COL6A3: variants seen among roughly 807,000 people sequenced by gnomAD.
COL6A3 encodes the protein collagen type VI alpha 3 chain, also known as collagen alpha-3(VI) chain.
COL6A3 carries 137 observed loss-of-function variants against 274.1 expected under a neutral mutation model. The ratio of observed to expected loss-of-function variants is 0.50; its 90% CI spans 0.44 to 0.58. The LOEUF is 0.58. COL6A3 is among the 20% of genes least tolerant of loss of function. COL6A3 has a pLI of 0.00. For synonymous variants in COL6A3, 1,650 were observed against 1,650.6 expected (o/e 1.00, Z 0.01); for missense variants, 3,950 against 4,124.9 (o/e 0.96, Z 1.16).
chr2:237,346,115 T>C (rs1241899709), intron 32 of COL6A3, among the ~76,000 whole-genome samples: 1 of 152,202 alleles, frequency 6.6e-6, no homozygotes, highest in Non-Finnish European at 1.5e-5. Context: ...GGGGATTTCA[T>C]AGACCACAGG....
At position 237,374,561 on chromosome 2, in the gene COL6A3, G is replaced by T; in HGVS notation, c.3530C>A (p.Thr1177Asn). Residue 1177 changes from threonine to asparagine, a missense_variant, in exon 8 of 44, where the codon ACC (threonine) becomes AAC (asparagine). Transcript: ENST00000295550. This position sits in a 1 kb window ranked among gnomAD's most constrained non-coding sequence, Gnocchi z 4.8. ...GGCAAAGTCCGGGATGAAGGAGATGGTCTGCATCTCTGTGATGTCAGCGTT... is the reference window on the plus strand; with the variant it reads ...GGCAAAGTCCGGGATGAAGGAGATGTTCTGCATCTCTGTGATGTCAGCGTT... ...IGNADITEMQ[T>N]ISFIPDFAVA... The T allele has an allele frequency of 6.2e-7, 1 of 1,614,230 alleles. No homozygotes were observed. Among genetic ancestry groups the T allele is most frequent in the Non-Finnish European group, 8.5e-7 (1 of 1,180,042 alleles).
At chr2:237,339,191 A>G in intron 38 of COL6A3, 74 bp from the exon 39 acceptor site, 1 of 1,042,748 alleles carries the variant, frequency 9.6e-7, no homozygotes, top group Admixed American at 1.8e-5. Context: ...TCTGTCAACA[A>G]GTTAAATGAA....
chr2:237,342,961 A>C (rs1205343664), intron 36 of COL6A3: 3 of 152,298 alleles, frequency 2.0e-5, no homozygotes, highest in Non-Finnish European at 2.9e-5. Flanking sequence ...TGGTAAAAGC[A>C]TAGAATATCC....
chr2:237,368,498 A>C lies in COL6A3; in HGVS notation c.4900+65T>G. 6.3e-7 allele frequency: 1 copy of C among 1,575,500 alleles called. No homozygotes were observed. Reference sequence around the variant, plus strand: ...AAATTATTAAAAATGACTACTGATTACTTTTTTAACTAAAAAAAAAATGTT... The same window carrying C: ...AAATTATTAAAAATGACTACTGATTCCTTTTTTAACTAAAAAAAAAATGTT... On this transcript the variant is annotated intron_variant, in intron 10 of 43. Transcript: ENST00000295550. The surrounding 1 kb of genome is among the most constrained non-coding windows in gnomAD (Gnocchi z 4.4).
At chr2:237,386,956 T>C (rs976700223) in intron 4 of COL6A3, among the ~76,000 whole-genome samples, 19 of 152,248 alleles carry the variant, frequency 1.2e-4, no homozygotes, top group Admixed American at 2.0e-4. Flanking sequence ...CCAAAGGCCC[T>C]CCATTTGAGC....
chr2:237,334,556 G>A, intron 41 of COL6A3, 70 bp downstream of exon 41: 1 of 1,507,010 alleles, frequency 6.6e-7, no homozygotes, highest in Non-Finnish European at 9.2e-7. Context: ...ATAAGTAAGT[G>A]TCTCCTTTGT....
At chr2:237,355,096 C>T (rs2077290740) in intron 23 of COL6A3, 162 bp from the exon 24 acceptor site, 1 of 646,342 alleles carries the variant, frequency 1.5e-6, no homozygotes, top group Non-Finnish European at 2.8e-6. Context: ...CCTCATCAGC[C>T]CTGGGGAAAC....
intron 14 of COL6A3, 41 bp downstream of exon 14, chr2:237,363,212 A>G: frequency 6.2e-7 from 1 of 1,601,398 alleles, no homozygotes; most frequent in African/African-American, 1.3e-5. Flanking sequence ...AAGGTGTGGT[A>G]TCTACACTGG....
At chr2:237,332,117 A>ATATGTG (rs35490728) in intron 42 of COL6A3, among the ~76,000 whole-genome samples, 2 of 64,206 alleles carry the variant, frequency 3.1e-5, no homozygotes, top group African/African-American at 9.6e-5. Context: ...ATATATATAT[A>ATATGTG]TGAAAAGAAA....
At position 237,374,952 on chromosome 2, in the gene COL6A3, A is replaced by G. The variant is rs756741205; in HGVS notation, c.3139T>C (p.Leu1047=). The change falls in exon 8 of 44, where the codon TTG becomes CTG. Residue 1047 remains leucine (L), a synonymous_variant. Transcript: ENST00000295550. This position sits in a 1 kb window ranked among gnomAD's most constrained non-coding sequence, Gnocchi z 4.8. ...SEGVRSGFPL[L]KEFVQRVVES... The stretch of plus-strand genomic sequence containing the variant: ...ACCACTCTCTGGACAAACTCTTTCA[A>G]CAGAGGGAAGCCGCTCCTGACGCCC... The G allele has an allele frequency of 1.1e-5, 18 of 1,613,874 alleles. No individual in the cohort carries two copies. In the South Asian group the frequency reaches 2.0e-4, roughly 18 times the overall value.
In COL6A3 at chr2:237,374,691, G is replaced by T; in HGVS notation, c.3400C>A (p.Gln1134Lys). Reference protein sequence around the residue: ...AGSRITEGVPQLLIVLTADRS... With the variant: ...AGSRITEGVPKLLIVLTADRS... The stretch of plus-strand genomic sequence containing the variant: ...TCGGCCGTGAGGACGATCAGCAGCT[G>T]GGGCACACCTTCTGTTATCCTGCTT... The change falls in exon 8 of 44, where the codon CAG (glutamine) becomes AAG (lysine). Residue 1134 changes from glutamine to lysine, a missense_variant. By Grantham distance (53) the Gln-to-Lys change is moderately conservative. Around this residue, in one of 5 missense-constraint regions of COL6A3, gnomAD observed 1,934 missense variants for 1,984.3 expected, o/e 0.97. Transcript: ENST00000295550. The surrounding 1 kb of genome is among the most constrained non-coding windows in gnomAD (Gnocchi z 4.8). 1 of 1,613,742 alleles carries T rather than the reference G, an allele frequency of 6.2e-7. No homozygotes were observed. Among genetic ancestry groups the T allele is most frequent in the Non-Finnish European group, 8.5e-7 (1 of 1,179,718 alleles).
At chr2:237,359,720 C>T (rs1339584332) in intron 17 of COL6A3, among the ~76,000 whole-genome samples, 1 of 152,198 alleles carries the variant, frequency 6.6e-6, no homozygotes, top group East Asian at 1.9e-4. Context: ...GAAGCAAGTT[C>T]ACCAGCCTTC....
chr2:237,411,104 A>G (rs542797799), intron 1 of COL6A3, among the ~76,000 whole-genome samples: 37 of 152,322 alleles, frequency 2.4e-4, no homozygotes, highest in African/African-American at 8.7e-4. Flanking sequence ...CCAGGACACC[A>G]TGAAAAGTTT....
At chr2:237,352,633 G>T in intron 25 of COL6A3, 49 bp from the exon 26 acceptor site, 2 of 1,550,146 alleles carry the variant, frequency 1.3e-6, no homozygotes, top group Non-Finnish European at 1.8e-6. Flanking sequence ...GACTTTCCAT[G>T]AGAAGCCTCT....
At chr2:237,377,926 T>C (rs920974074) in intron 6 of COL6A3, among the ~76,000 whole-genome samples, 14 of 152,230 alleles carry the variant, frequency 9.2e-5, no homozygotes, top group African/African-American at 3.4e-4. Context: ...TCTGTTGTAA[T>C]GAGACAATAG....
chr2:237,402,664 T>C (rs1265298213), intron 1 of COL6A3, among the ~76,000 whole-genome samples: 3 of 152,192 alleles, frequency 2.0e-5, no homozygotes, highest in Non-Finnish European at 4.4e-5. Flanking sequence ...GTATATGTCA[T>C]GCAAAATGTT....
chr2:237,396,084 G>A (rs4663744), intron 2 of COL6A3, among the ~76,000 whole-genome samples: 1,844 of 152,310 alleles, frequency 0.012, 65 homozygotes, highest in Admixed American at 0.059. Flanking sequence ...TGGCCTGGAG[G>A]AAGAATCCCT....
At chr2:237,376,120 A>T (rs2077832367) in intron 7 of COL6A3, among the ~76,000 whole-genome samples, 1 of 152,164 alleles carries the variant, frequency 6.6e-6, no homozygotes, top group Non-Finnish European at 1.5e-5. Flanking sequence ...CAGATGTCGG[A>T]GTTACCATCC....
chr2:237,370,660 C>T (rs1420741518), intron 9 of COL6A3, among the ~76,000 whole-genome samples: 1 of 152,200 alleles, frequency 6.6e-6, no homozygotes, highest in East Asian at 1.9e-4. Flanking sequence ...GTTGCTACTC[C>T]ACACATTTCA....
Sources: allele counts gnomAD v4.1 joint callset (sites outside exome capture counted in the v4.1 genomes callset), GRCh38; gene constraint gnomAD v4.1.1; regional missense constraint gnomAD v4.1.1; non-coding constraint Gnocchi (gnomAD v3.1); transcripts MANE v1.5; gene names NCBI Gene and HGNC (gene_info 2026-07-23, HGNC 2026-07-21).